BABAM2: variants seen among roughly 807,000 people sequenced by gnomAD.
BABAM2 encodes BRISC and BRCA1-A complex member 2.
In BABAM2, 31 loss-of-function variants were observed where a neutral mutation model predicts 54.7. The ratio of observed to expected loss-of-function variants is 0.57; its 90% CI spans 0.43 to 0.77. The LOEUF (loss-of-function observed/expected upper bound fraction) is 0.77, where lower values mean the gene tolerates loss of function less well. Among genes scored for constraint, BABAM2 ranks in the 30% least tolerant of loss-of-function variants. BABAM2 has a pLI of 0.00. For missense variants in BABAM2, 364 were observed against 455.8 expected, an observed-to-expected ratio of 0.80 and a Z score of 1.83; for synonymous variants, 167 against 162.9, an observed-to-expected ratio of 1.03 and a Z score of -0.19.
chr2:28,270,743 A>C (rs1003454738), intron 10 of BABAM2, among the ~76,000 whole-genome samples: 3 of 152,310 alleles, frequency 2.0e-5, no homozygotes, highest in African/African-American at 7.2e-5. Flanking sequence ...TATTTATGAA[A>C]CACTGCAACA....
chr2:28,130,864 C>T (rs532438861), intron 7 of BABAM2, among the ~76,000 whole-genome samples: 16 of 151,846 alleles, frequency 1.1e-4, no homozygotes, highest in Non-Finnish European at 2.4e-4. Context: ...TTCAGCCTCC[C>T]GAGTACCTGG....
In BABAM2 at chr2:28,065,303, A is replaced by G. The variant is rs560420691; in HGVS notation, c.570+19504A>G. Among the ~76,000 whole-genome samples the G allele has an allele frequency of 2.0e-5, 3 of 152,318 alleles. No individual in the cohort carries two copies. In the East Asian group the frequency reaches 5.8e-4, roughly 29 times the overall value. The stretch of plus-strand genomic sequence containing the variant: ...ACATAAAAAAAGATACTAAGTTTAC[A>G]TTGAGAGTCTTCCTATTCCTGATCC... On this transcript the variant is annotated intron_variant, in intron 6 of 11. Coordinates refer to ENST00000379624, the MANE Select transcript of BABAM2 (RefSeq NM_199191.3).
chr2:27,985,811 T>C (rs1672357597), intron 3 of BABAM2, among the ~76,000 whole-genome samples: 1 of 152,194 alleles, frequency 6.6e-6, no homozygotes, highest in African/African-American at 2.4e-5. Context: ...TGACACAGCG[T>C]GTCACAGTAT....
intron 5 of BABAM2, 117 bp downstream of exon 5, chr2:28,025,537 A>G (rs566071849): frequency 3.0e-6 from 3 of 1,005,870 alleles, no homozygotes; most frequent in South Asian, 4.5e-5. Context: ...CAGGTAGCCT[A>G]TATGTTTCTC....
chr2:27,971,204 T>A (rs1254113445), intron 3 of BABAM2, among the ~76,000 whole-genome samples: 1 of 152,132 alleles, frequency 6.6e-6, no homozygotes, highest in Non-Finnish European at 1.5e-5. Flanking sequence ...GTATCTTGAA[T>A]CAATACTACA....
At chr2:28,232,892 G>A (rs1032685830) in intron 7 of BABAM2, among the ~76,000 whole-genome samples, 26 of 152,134 alleles carry the variant, frequency 1.7e-4, no homozygotes, top group African/African-American at 5.8e-4. Context: ...AGTATAGACA[G>A]TTCTTACATT....
intron 7 of BABAM2, among the ~76,000 whole-genome samples, chr2:28,211,718 T>C (rs1039391643): frequency 1.3e-5 from 2 of 152,180 alleles, no homozygotes; most frequent in African/African-American, 2.4e-5. Flanking sequence ...TCCTTTCTTT[T>C]TCTTTGGAAG....
chr2:27,918,450 TTG>T (rs536954467), intron 2 of BABAM2, among the ~76,000 whole-genome samples: 5 of 150,750 alleles, frequency 3.3e-5, no homozygotes, highest in East Asian at 1.9e-4. Context: ...TGCCATTCCA[TTG>T]TGTGTGTGTG....
chr2:28,076,795 G>C (rs566048949), intron 6 of BABAM2, among the ~76,000 whole-genome samples: 4 of 152,006 alleles, frequency 2.6e-5, no homozygotes, highest in Admixed American at 2.6e-4. Flanking sequence ...GAGCCACCGC[G>C]CCCAGCCCAT....
chr2:28,140,764 G>A (rs867849704), intron 7 of BABAM2, among the ~76,000 whole-genome samples: 4 of 152,070 alleles, frequency 2.6e-5, no homozygotes, highest in African/African-American at 9.7e-5. Flanking sequence ...TAACACGTGT[G>A]TATAAAAGAT....
intron 5 of BABAM2, among the ~76,000 whole-genome samples, chr2:28,026,826 A>ATT (rs1675742503): frequency 1.5e-5 from 1 of 68,058 alleles, no homozygotes; most frequent in Admixed American, 2.3e-4. Flanking sequence ...ATATATTTAT[A>ATT]TATATAAATA....
intron 7 of BABAM2, among the ~76,000 whole-genome samples, chr2:28,177,767 A>G (rs1171649972): frequency 6.6e-6 from 1 of 152,070 alleles, no homozygotes; most frequent in Non-Finnish European, 1.5e-5. Context: ...CTGGTAAGAC[A>G]TATATAGACT....
intron 10 of BABAM2, among the ~76,000 whole-genome samples, chr2:28,250,453 A>G (rs74413737): frequency 0.042 from 6,384 of 151,432 alleles, 413 homozygotes; most frequent in African/African-American, 0.14. Context: ...AAATATAGCA[A>G]CATTGCTCCT....
At chr2:28,026,979 A>ATATAAATATATATATATAAATATAT (rs1558668295) in intron 5 of BABAM2, among the ~76,000 whole-genome samples, 2 of 96,600 alleles carry the variant, frequency 2.1e-5, no homozygotes, top group African/African-American at 1.0e-4. Context: ...TAAATATATA[A>ATATAAATATATATATATAAATATAT]ATATATATAA....
At chr2:28,004,865 CTTAT>C (rs1290711216) in intron 4 of BABAM2, among the ~76,000 whole-genome samples, 17 of 152,006 alleles carry the variant, frequency 1.1e-4, no homozygotes, top group Admixed American at 1.1e-3. Context: ...TTTAAAAAGA[CTTAT>C]TTATTTTAGT....
At chr2:28,225,832 G>T (rs1680831589) in intron 7 of BABAM2, among the ~76,000 whole-genome samples, 1 of 151,946 alleles carries the variant, frequency 6.6e-6, no homozygotes, top group African/African-American at 2.4e-5. Context: ...TAGCTTCTAA[G>T]AAGTTTGACC....
intron 2 of BABAM2, among the ~76,000 whole-genome samples, chr2:27,927,169 C>CA (rs1667764390): frequency 6.6e-6 from 1 of 152,014 alleles, no homozygotes; most frequent in South Asian, 2.1e-4. Flanking sequence ...TGGCAGGGCA[C>CA]AAAAACACTT....
intron 3 of BABAM2, among the ~76,000 whole-genome samples, chr2:27,963,518 A>T (rs1005304893): frequency 6.6e-6 from 1 of 151,278 alleles, no homozygotes; most frequent in African/African-American, 2.4e-5. Context: ...GGAAGGATAT[A>T]TTCTTAAAGG....
chr2:28,245,058 C>G (rs900286897), intron 10 of BABAM2, among the ~76,000 whole-genome samples, 196 bp downstream of exon 10: 3 of 151,774 alleles, frequency 2.0e-5, no homozygotes, highest in Non-Finnish European at 4.4e-5. Context: ...AATTTTGCAC[C>G]TCAGGGGACG....
Sources: gnomAD v4.1 joint callset for allele counts (sites outside exome capture counted in the v4.1 genomes callset) on GRCh38, gnomAD v4.1.1 for gene constraint, MANE v1.5 for transcripts, NCBI Gene and HGNC (gene_info 2026-07-23, HGNC 2026-07-21) for gene names.